Variants in ANKRD11 observed in about 807,000 individuals in gnomAD.
ANKRD11 encodes the protein ankyrin repeat domain-containing protein 11.
Under a neutral mutation model 195.7 loss-of-function variants are expected in ANKRD11, and 17 were observed. That is an observed-to-expected ratio of 0.09 (90% confidence interval 0.06 to 0.13). The LOEUF (loss-of-function observed/expected upper bound fraction) is 0.13, where lower values mean the gene tolerates loss of function less well. Ranked by LOEUF, ANKRD11 falls within the 10% of genes least tolerant of loss-of-function variation. The pLI, the probability that ANKRD11 is intolerant of heterozygous loss-of-function variation, is 1.00. For synonymous variants in ANKRD11, 1,953 were observed against 1,528.1 expected, an observed-to-expected ratio of 1.28 and a Z score of -6.49; for missense variants, 3,735 against 3,566.1, an observed-to-expected ratio of 1.05 and a Z score of -1.21.
intron 2 of ANKRD11, among the ~76,000 whole-genome samples, chr16:89,331,854 A>G (rs1040526375): frequency 1.3e-5 from 2 of 152,310 alleles, no homozygotes; most frequent in East Asian, 3.9e-4. Context: ...GGCGGATGCA[A>G]TGGTGTGGAC....
chr16:89,382,212 G>A (rs1597219274), intron 2 of ANKRD11, among the ~76,000 whole-genome samples: 1 of 152,042 alleles, frequency 6.6e-6, no homozygotes, highest in East Asian at 1.9e-4. Context: ...TGGATTTAAG[G>A]CCACTGACCA....
chr16:89,280,917 G>C lies in ANKRD11; in HGVS notation c.5625C>G (p.Val1875=). ...LHCPPAAVVT[V]TPSPEGVFSS... is the part of the protein sequence containing the mutation. The stretch of plus-strand genomic sequence containing the variant: ...AGAAGACGCCCTCTGGAGACGGGGT[G>C]ACAGTGACAACGGCAGCCGGTGGGC... Residue 1875 remains valine (V), a synonymous_variant, in exon 9 of 13, where the codon GTC becomes GTG. Transcript: ENST00000301030. 1.3e-6 allele frequency: 2 copies of C among 1,598,276 alleles called. No individual in the cohort carries two copies. Among genetic ancestry groups the C allele is most frequent in the Non-Finnish European group, 1.7e-6 (2 of 1,169,250 alleles).
At chr16:89,480,555 GAAGT>G (rs2152371905) in intron 1 of ANKRD11, among the ~76,000 whole-genome samples, 1 of 152,124 alleles carries the variant, frequency 6.6e-6, no homozygotes, top group Non-Finnish European at 1.5e-5. Flanking sequence ...TATGTGCATA[GAAGT>G]AACAGAAGAT....
At chr16:89,293,902 C>CT (rs1164091293) in intron 4 of ANKRD11, among the ~76,000 whole-genome samples, 1 of 152,166 alleles carries the variant, frequency 6.6e-6, no homozygotes, top group Non-Finnish European at 1.5e-5. Context: ...AGAAGTCAGT[C>CT]TTTAGGCTGG....
chr16:89,280,619 C>T lies in ANKRD11; in HGVS notation c.5923G>A (p.Val1975Met), dbSNP rs1290742598. Reference protein sequence around the residue: ...GTSENPVSWPVGSDLLLKSPQ... With the variant: ...GTSENPVSWPMGSDLLLKSPQ... The stretch of plus-strand genomic sequence containing the variant: ...GACTTCAGCAGGAGGTCCGAGCCCA[C>T]AGGCCAGCTCACAGGGTTTTCAGAG... The change falls in exon 9 of 13, where the codon GTG (valine) becomes ATG (methionine). Residue 1975 changes from valine to methionine, a missense_variant. Val to Met is a conservative substitution (Grantham distance 21). Coordinates refer to ENST00000301030, the MANE Select transcript of ANKRD11 (RefSeq NM_013275.6). 6.2e-7 allele frequency: 1 copy of T among 1,613,430 alleles called. No individual in the cohort carries two copies. The highest frequency in any genetic ancestry group is 8.5e-7 in the Non-Finnish European group (1 of 1,179,962).
intron 2 of ANKRD11, among the ~76,000 whole-genome samples, chr16:89,338,717 ACTCAGT>A (rs1597703000): frequency 8.9e-6 from 1 of 112,032 alleles, no homozygotes; most frequent in East Asian, 2.5e-4. Flanking sequence ...AAAGAGCAAC[ACTCAGT>A]CTCAAAAAAA....
Position 89,375,767 on chromosome 16 carries a change from T to C in ANKRD11, c.-60+42517A>G, listed in dbSNP as rs1035148462. On this transcript the variant is annotated intron_variant, in intron 2 of 12. Transcript: ENST00000301030. The stretch of plus-strand genomic sequence containing the variant: ...CACTGCACCCAGCCGACTCCGTCTC[T>C]TAAAAAAAAAAAAAAAAAAAAAGCC... Among the ~76,000 whole-genome samples the C allele has an allele frequency of 7.5e-3, 491 of 65,150 alleles. 2 individuals are homozygous for C. Among genetic ancestry groups the C allele is most frequent in the African/African-American group, 0.025 (473 of 19,214 alleles). The allele number at this position is 65,150 out of a possible 152,430, so 42.7% of individuals were successfully genotyped here.
intron 2 of ANKRD11, among the ~76,000 whole-genome samples, chr16:89,327,680 GC>G (rs1469351768): frequency 4.3e-5 from 6 of 140,462 alleles, no homozygotes; most frequent in Non-Finnish European, 6.1e-5. Flanking sequence ...CTACATGCTA[GC>G]AATAATCAAA....
In ANKRD11 at chr16:89,282,027, C is replaced by T; in HGVS notation, c.4515G>A (p.Arg1505=). Residue 1505 remains arginine (R), a synonymous_variant, in exon 9 of 13, where the codon AGG becomes AGA. Coordinates refer to ENST00000301030, the MANE Select transcript of ANKRD11 (RefSeq NM_013275.6). Reference sequence around the variant, plus strand: ...GCACGCGGGGCGGGCTGTCCTTGTCCCTGGTGGCGGGCTTCTGCTCGTCCC... The same window carrying T: ...GCACGCGGGGCGGGCTGTCCTTGTCTCTGGTGGCGGGCTTCTGCTCGTCCC... ...HHRDEQKPAT[R]DKDSPPRVLK... 3 of 1,613,608 alleles carry T rather than the reference C, an allele frequency of 1.9e-6. No individual in the cohort carries two copies. The highest frequency in any genetic ancestry group is 1.6e-4 in the Middle Eastern group (1 of 6,062).
At chr16:89,439,878 C>T (rs1287138597) in intron 1 of ANKRD11, among the ~76,000 whole-genome samples, 2 of 152,210 alleles carry the variant, frequency 1.3e-5, no homozygotes, top group African/African-American at 4.8e-5. Flanking sequence ...GTGCAGCTGA[C>T]CTAGACTGAT....
At chr16:89,287,041 A>G in intron 7 of ANKRD11, 1 of 1,289,730 alleles carries the variant, frequency 7.8e-7, no homozygotes, top group South Asian at 1.2e-5. Flanking sequence ...ACAAAACCTC[A>G]GGCTTACAAT....
intron 3 of ANKRD11, among the ~76,000 whole-genome samples, chr16:89,307,198 G>C (rs1178217689): frequency 6.6e-6 from 1 of 152,198 alleles, no homozygotes; most frequent in Non-Finnish European, 1.5e-5. Flanking sequence ...GGTCAGCGAA[G>C]CCTTCAGAGC....
chr16:89,396,467 G>GT (rs1348563303), intron 2 of ANKRD11, among the ~76,000 whole-genome samples: 1 of 152,082 alleles, frequency 6.6e-6, no homozygotes, highest in Non-Finnish European at 1.5e-5. Flanking sequence ...TTTTGGTGTC[G>GT]TATCAATGAA....
intron 2 of ANKRD11, among the ~76,000 whole-genome samples, chr16:89,405,764 G>T (rs1413735596): frequency 1.3e-5 from 2 of 152,070 alleles, no homozygotes; most frequent in Non-Finnish European, 2.9e-5. Context: ...GCCAGACCCT[G>T]GGGCTTAGGG....
intron 2 of ANKRD11, chr16:89,319,931 C>G (rs1450892632): frequency 6.6e-6 from 1 of 152,536 alleles, no homozygotes; most frequent in Non-Finnish European, 1.5e-5. Flanking sequence ...GGCCCCCACA[C>G]TGCCCTGTGT....
chr16:89,443,928 C>A (rs2043654668), intron 1 of ANKRD11, among the ~76,000 whole-genome samples: 2 of 152,148 alleles, frequency 1.3e-5, no homozygotes, highest in African/African-American at 2.4e-5. Flanking sequence ...CGTGCCGGGC[C>A]GGCGTCAACA....
chr16:89,389,184 A>C (rs952387043), intron 2 of ANKRD11, among the ~76,000 whole-genome samples: 2 of 151,562 alleles, frequency 1.3e-5, no homozygotes, highest in Non-Finnish European at 2.9e-5. Flanking sequence ...ACGTCTGGCT[A>C]ATTTTTTTTT....
chr16:89,406,166 T>A (rs916501361), intron 2 of ANKRD11, among the ~76,000 whole-genome samples: 3 of 150,704 alleles, frequency 2.0e-5, no homozygotes, highest in Non-Finnish European at 4.4e-5. Context: ...CTAAGTCTGG[T>A]TATGCCCTTT....
chr16:89,459,939 A>G (rs1164236774), intron 1 of ANKRD11, among the ~76,000 whole-genome samples: 1 of 151,816 alleles, frequency 6.6e-6, no homozygotes, highest in African/African-American at 2.4e-5. Flanking sequence ...TATCCAAAAA[A>G]AAAGAAAAAA....
Sources: allele counts gnomAD v4.1 joint callset (sites outside exome capture counted in the v4.1 genomes callset), GRCh38; gene constraint gnomAD v4.1.1; transcripts MANE v1.5; gene names NCBI Gene and HGNC (gene_info 2026-07-23, HGNC 2026-07-21).